C1QTNF3: variants seen among roughly 807,000 people sequenced by gnomAD.
C1QTNF3 encodes the protein C1q and TNF related 3, also known as complement C1q tumor necrosis factor-related protein 3.
C1QTNF3 carries 26 observed loss-of-function variants against 32.6 expected under a neutral mutation model. The ratio of observed to expected loss-of-function variants is 0.80; its 90% CI spans 0.58 to 1.11. The LOEUF (loss-of-function observed/expected upper bound fraction) is 1.11. Ranked by LOEUF, C1QTNF3 falls within the 50% of genes least tolerant of loss-of-function variation. The probability of loss-of-function intolerance (pLI) is 0.00; values close to 1 mark genes in which losing one functional copy is unlikely to be tolerated. For synonymous variants in C1QTNF3, 155 were observed against 146.0 expected (o/e 1.06, Z -0.44); for missense variants, 362 against 398.2 (o/e 0.91, Z 0.77).
chr5:34,113,778 T>C, the C1QTNF3 span, among the ~76,000 whole-genome samples: 106 of 152,292 alleles, frequency 7.0e-4, no homozygotes, highest in African/African-American at 2.4e-3. Context: ...TGGCTTATTA[T>C]ACAAATAATT....
At chr5:34,072,853 T>C in the C1QTNF3 span, among the ~76,000 whole-genome samples, 2 of 152,224 alleles carry the variant, frequency 1.3e-5, no homozygotes, top group Non-Finnish European at 2.9e-5. Context: ...GTTATGAATA[T>C]TCATTATAAT....
chr5:34,182,033 T>G, the C1QTNF3 span, among the ~76,000 whole-genome samples: 61 of 152,416 alleles, frequency 4.0e-4, no homozygotes, highest in African/African-American at 1.5e-3. Context: ...AAAGGATTTT[T>G]TTTTTTGAGA....
At chr5:34,166,535 T>C in the C1QTNF3 span, 1 of 152,194 alleles carries the variant, frequency 6.6e-6, no homozygotes, top group Non-Finnish European at 1.5e-5. Flanking sequence ...AGCAATATTA[T>C]TGGCTTTGCA....
chr5:34,084,889 GT>G, the C1QTNF3 span, among the ~76,000 whole-genome samples: 1 of 137,990 alleles, frequency 7.2e-6, no homozygotes, highest in Non-Finnish European at 1.5e-5. Context: ...TACTTTTGGT[GT>G]TTTAGTCATT....
At chr5:34,108,128 T>A in the C1QTNF3 span, among the ~76,000 whole-genome samples, 1 of 152,284 alleles carries the variant, frequency 6.6e-6, no homozygotes, top group South Asian at 2.1e-4. Context: ...CAGTTTTAAA[T>A]GTCAGAAGAT....
the C1QTNF3 span, among the ~76,000 whole-genome samples, chr5:34,143,617 G>C: frequency 2.6e-5 from 4 of 152,186 alleles, no homozygotes; most frequent in Non-Finnish European, 5.9e-5. Context: ...ACCCAGAAGA[G>C]ATTGGGCTTA....
the C1QTNF3 span, among the ~76,000 whole-genome samples, chr5:34,055,313 G>A: frequency 2.9e-3 from 448 of 152,258 alleles, 3 homozygotes; most frequent in African/African-American, 0.01. Context: ...AGAAAGAAGG[G>A]GAAAACTCCA....
At chr5:34,125,750 C>T in the C1QTNF3 span, among the ~76,000 whole-genome samples, 6 of 152,030 alleles carry the variant, frequency 3.9e-5, no homozygotes, top group South Asian at 4.1e-4. Context: ...TTATTTCACA[C>T]GAGAGATATA....
chr5:34,103,391 T>C, the C1QTNF3 span, among the ~76,000 whole-genome samples: 6 of 151,700 alleles, frequency 4.0e-5, no homozygotes, highest in African/African-American at 1.5e-4. Context: ...AGCCTCAAAC[T>C]CCTGGCCTCT....
At chr5:34,184,315 C>G in the C1QTNF3 span, among the ~76,000 whole-genome samples, 62 of 150,856 alleles carry the variant, frequency 4.1e-4, no homozygotes, top group South Asian at 8.1e-3. Context: ...GACACACATG[C>G]GGCCAACAAG....
the C1QTNF3 span, among the ~76,000 whole-genome samples, chr5:34,056,470 A>G: frequency 9.1e-6 from 1 of 109,934 alleles, no homozygotes; most frequent in Non-Finnish European, 1.8e-5. Context: ...ATATATATAT[A>G]TATATATATA....
chr5:34,159,160 T>C, the C1QTNF3 span, among the ~76,000 whole-genome samples: 2 of 144,562 alleles, frequency 1.4e-5, no homozygotes, highest in Non-Finnish European at 3.1e-5. Flanking sequence ...ATGTCTACTA[T>C]CTGATCATAT....
chr5:34,142,229 C>T, the C1QTNF3 span, among the ~76,000 whole-genome samples: 5 of 152,090 alleles, frequency 3.3e-5, no homozygotes, highest in Admixed American at 6.5e-5. Flanking sequence ...GTCAGGAGTT[C>T]GATACCAGTC....
chr5:34,171,437 C>T, the C1QTNF3 span, among the ~76,000 whole-genome samples: 2 of 151,844 alleles, frequency 1.3e-5, no homozygotes. Flanking sequence ...AGTGAAATGT[C>T]TAATTTCCCC....
At chr5:34,065,118 G>A in the C1QTNF3 span, among the ~76,000 whole-genome samples, 2 of 152,100 alleles carry the variant, frequency 1.3e-5, no homozygotes, top group African/African-American at 4.8e-5. Context: ...CCTATGGACT[G>A]GGAAAAAATA....
At chr5:34,234,585 C>G in the C1QTNF3 span, among the ~76,000 whole-genome samples, 136,595 of 151,962 alleles carry the variant, frequency 0.9, 62,604 homozygotes, top group Non-Finnish European at 0.99. Flanking sequence ...AAAGTCAAAA[C>G]ACAAATTATC....
chr5:34,197,396 C>T, the C1QTNF3 span, among the ~76,000 whole-genome samples: 3 of 152,220 alleles, frequency 2.0e-5, no homozygotes, highest in East Asian at 1.9e-4. Context: ...GTGCCATTCT[C>T]TTATAAAAGA....
At chr5:34,101,735 C>T in the C1QTNF3 span, among the ~76,000 whole-genome samples, 1 of 152,176 alleles carries the variant, frequency 6.6e-6, no homozygotes, top group African/African-American at 2.4e-5. Context: ...CTGTAAAATT[C>T]CCACCTTTGG....
At chr5:34,061,858 G>T in the C1QTNF3 span, among the ~76,000 whole-genome samples, 158 of 152,284 alleles carry the variant, frequency 1.0e-3, no homozygotes, top group Middle Eastern at 6.8e-3. Context: ...CCATGGTCTT[G>T]GGGATTAACA....
Sources: allele counts gnomAD v4.1 joint callset (sites outside exome capture counted in the v4.1 genomes callset), GRCh38; gene constraint gnomAD v4.1.1; transcripts MANE v1.5; gene names NCBI Gene and HGNC (gene_info 2026-07-23, HGNC 2026-07-21).